Variants in PXDN observed in about 807,000 individuals in gnomAD.
PXDN encodes peroxidasin homolog.
In PXDN, 77 loss-of-function variants were observed where a neutral mutation model predicts 140.3. The ratio of observed to expected loss-of-function variants is 0.55; its 90% CI spans 0.46 to 0.66. PXDN has a LOEUF of 0.66. PXDN is among the 30% of genes least tolerant of loss of function. The pLI, the probability that PXDN is intolerant of heterozygous loss-of-function variation, is 0.00. For missense variants in PXDN, 1,838 were observed against 2,039.5 expected, an observed-to-expected ratio of 0.90 and a Z score of 1.90; for synonymous variants, 911 against 857.4, an observed-to-expected ratio of 1.06 and a Z score of -1.09.
At chr2:1,664,831 C>T in intron 11 of PXDN, 127 bp downstream of exon 11, 1 of 820,558 alleles carries the variant, frequency 1.2e-6, no homozygotes, top group Non-Finnish European at 1.9e-6. Context: ...TGCCTTGGTC[C>T]TGTGGAATCC....
chr2:1,729,006 T>C (rs1685252863), intron 1 of PXDN, among the ~76,000 whole-genome samples: 1 of 149,390 alleles, frequency 6.7e-6, no homozygotes, highest in East Asian at 1.9e-4. Flanking sequence ...CTGGGCTGGC[T>C]GCTCTGTGAG....
intron 1 of PXDN, 29 bp from the exon 2 acceptor site, chr2:1,693,163 C>G (rs373838586): frequency 4.0e-6 from 6 of 1,490,502 alleles, no homozygotes; most frequent in Non-Finnish European, 5.4e-6. Context: ...GGTATTATTA[C>G]GTGAAAAAAA....
chr2:1,730,017 T>C (rs1252855076), intron 1 of PXDN, among the ~76,000 whole-genome samples: 1 of 152,106 alleles, frequency 6.6e-6, no homozygotes, highest in Non-Finnish European at 1.5e-5. Context: ...TGACCCAATT[T>C]TTGAAAATAG....
At chr2:1,684,958 G>A (rs1684014785) in intron 4 of PXDN, among the ~76,000 whole-genome samples, 1 of 152,188 alleles carries the variant, frequency 6.6e-6, no homozygotes, top group Non-Finnish European at 1.5e-5. Flanking sequence ...CACATTTTCA[G>A]TGACTACTTC....
At chr2:1,744,150 G>C in intron 1 of PXDN, 106 bp downstream of exon 1, 67 of 920,252 alleles carry the variant, frequency 7.3e-5, no homozygotes, top group African/African-American at 9.5e-5. Flanking sequence ...CCGCGCGCCC[G>C]ATGCCCCCTC....
At chr2:1,716,512 G>T (rs1684899811) in intron 1 of PXDN, among the ~76,000 whole-genome samples, 1 of 150,908 alleles carries the variant, frequency 6.6e-6, no homozygotes, top group South Asian at 2.1e-4. Flanking sequence ...CTGCGGCAAG[G>T]ACTGGATATA....
At chr2:1,646,021 G>A (rs1682843126) in intron 17 of PXDN, 1 of 152,262 alleles carries the variant, frequency 6.6e-6, no homozygotes, top group Non-Finnish European at 1.5e-5. Flanking sequence ...GCAGAGGCGA[G>A]CCCAGGCCAA....
At chr2:1,741,832 G>A (rs1170802177) in intron 1 of PXDN, among the ~76,000 whole-genome samples, 1 of 152,120 alleles carries the variant, frequency 6.6e-6, no homozygotes, top group Non-Finnish European at 1.5e-5. Flanking sequence ...GGAGAAAGCC[G>A]AAAGTGGACA....
Position 1,660,484 on chromosome 2 carries a change from C to T in PXDN, c.1837+397G>A, listed in dbSNP as rs1434767054. Reference sequence around the variant, plus strand: ...GGCCAAAGCCCGAGGAGAGAGAAACCGCAGCTAAGGAATCAGAATCTCTTC... The same window carrying T: ...GGCCAAAGCCCGAGGAGAGAGAAACTGCAGCTAAGGAATCAGAATCTCTTC... On this transcript the variant is annotated intron_variant, in intron 14 of 22. Transcript: ENST00000252804. The surrounding 1 kb of genome is among the most constrained non-coding windows in gnomAD (Gnocchi z 4.6). 1.3e-5 allele frequency among the ~76,000 whole-genome samples: 2 copies of T among 152,190 alleles called. No homozygotes were observed. Among genetic ancestry groups the T allele is most frequent in the South Asian group, 2.1e-4 (1 of 4,826 alleles).
At chr2:1,637,624 T>C (rs1302568727) in intron 21 of PXDN, among the ~76,000 whole-genome samples, 1 of 148,676 alleles carries the variant, frequency 6.7e-6, no homozygotes, top group Admixed American at 6.7e-5. Flanking sequence ...CCGCACGCTG[T>C]CCACTCTGAC....
At chr2:1,731,146 G>A (rs1440679530) in intron 1 of PXDN, among the ~76,000 whole-genome samples, 2 of 56,180 alleles carry the variant, frequency 3.6e-5, no homozygotes, top group African/African-American at 1.3e-4. Context: ...TGTTGAGAGC[G>A]CGCGCGCACA....
At chr2:1,734,901 T>G (rs1277886008) in intron 1 of PXDN, among the ~76,000 whole-genome samples, 2 of 152,114 alleles carry the variant, frequency 1.3e-5, no homozygotes, top group Non-Finnish European at 2.9e-5. Context: ...AGGCTCACAT[T>G]TGCCTATCCT....
intron 1 of PXDN, among the ~76,000 whole-genome samples, chr2:1,730,430 TC>T (rs1685286604): frequency 6.6e-6 from 1 of 152,036 alleles, no homozygotes; most frequent in Non-Finnish European, 1.5e-5. Context: ...AGTTGAGGGG[TC>T]CTGGGAGAGA....
intron 2 of PXDN, among the ~76,000 whole-genome samples, chr2:1,692,839 A>G (rs1245069518): frequency 2.0e-5 from 3 of 152,154 alleles, no homozygotes; most frequent in South Asian, 2.1e-4. Flanking sequence ...ATGGGTCCCA[A>G]TCAACATGCC....
At chr2:1,666,719 T>C (rs1316946531) in intron 9 of PXDN, among the ~76,000 whole-genome samples, 3 of 152,206 alleles carry the variant, frequency 2.0e-5, no homozygotes, top group Non-Finnish European at 4.4e-5. Context: ...CATGATCGGT[T>C]AGGAAGAGCT....
intron 1 of PXDN, among the ~76,000 whole-genome samples, chr2:1,730,495 T>C (rs573209896): frequency 5.3e-5 from 8 of 152,254 alleles, no homozygotes; most frequent in Non-Finnish European, 8.8e-5. Context: ...AACTTTAGAA[T>C]TGCGCTAAGT....
chr2:1,665,777 T>G (rs1559597), intron 10 of PXDN, among the ~76,000 whole-genome samples: 3,512 of 152,354 alleles, frequency 0.023, 153 homozygotes, highest in African/African-American at 0.079. Flanking sequence ...TTAAGCAATG[T>G]AGAAATCCAT....
intron 1 of PXDN, among the ~76,000 whole-genome samples, chr2:1,694,521 A>ACCTGGCCCT (rs1160611212): frequency 1.3e-5 from 2 of 152,180 alleles, no homozygotes; most frequent in Non-Finnish European, 2.9e-5. Flanking sequence ...CCCTCTGCCC[A>ACCTGGCCCT]CCTGGCCCTC....
chr2:1,644,281 GC>G (rs1486780117), intron 18 of PXDN, among the ~76,000 whole-genome samples: 5 of 152,058 alleles, frequency 3.3e-5, no homozygotes, highest in Non-Finnish European at 7.4e-5. Context: ...CAAAGATCTT[GC>G]CCGAAGCCCA....
Sources: gnomAD v4.1 joint callset for allele counts (sites outside exome capture counted in the v4.1 genomes callset) on GRCh38, gnomAD v4.1.1 for gene constraint, Gnocchi (gnomAD v3.1) non-coding constraint, MANE v1.5 for transcripts, NCBI Gene and HGNC (gene_info 2026-07-23, HGNC 2026-07-21) for gene names.